Variants in TBX1 observed in about 807,000 individuals in gnomAD.
The protein encoded by TBX1 is T-box transcription factor 1, also known as T-box transcription factor TBX1.
In TBX1, 16 loss-of-function variants were observed where a neutral mutation model predicts 40.8. That is an observed-to-expected ratio of 0.39 (90% CI 0.27 to 0.60). The LOEUF is 0.60. Among genes scored for constraint, TBX1 ranks in the 20% least tolerant of loss-of-function variants. The pLI, the probability that TBX1 is intolerant of heterozygous loss-of-function variation, is 0.51. For synonymous variants in TBX1, 403 were observed against 336.8 expected (o/e 1.20, Z -2.15); for missense variants, 755 against 728.5 (o/e 1.04, Z -0.42).
chr22:19,764,929 T>C, intron 3 of TBX1, 29 bp from the exon 4 acceptor site: 2 of 1,613,676 alleles, frequency 1.2e-6, no homozygotes, highest in Non-Finnish European at 1.7e-6. Flanking sequence ...GCCCCACCGC[T>C]GGAGCTGATT....
In TBX1 at chr22:19,767,027, G is replaced by A. The variant is rs1936885520; in HGVS notation, c.*160G>A. Reference sequence around the variant, plus strand: ...GCCTCGAAGCCATGGGGGCCCCCTCGCCACCCCCAGCCCCTTGGGCTATCG... The same window carrying A: ...GCCTCGAAGCCATGGGGGCCCCCTCACCACCCCCAGCCCCTTGGGCTATCG... On this transcript the variant is annotated 3_prime_UTR_variant, in exon 7 of 7. Transcript: ENST00000649276. The A allele has an allele frequency of 3.7e-6, 5 of 1,350,328 alleles. No homozygotes were observed. Among genetic ancestry groups the A allele is most frequent in the Non-Finnish European group, 4.7e-6 (5 of 1,054,392 alleles). The allele number at this position is 1,350,328 out of a possible 1,614,324, so 83.6% of individuals were successfully genotyped here. A position where few individuals can be genotyped will look rare whatever the true frequency, so the allele number is the denominator to read the frequency against.
intron 8 of TBX1, among the ~76,000 whole-genome samples, chr22:19,776,460 C>T (rs1937066779): frequency 6.6e-6 from 1 of 152,144 alleles, no homozygotes; most frequent in Non-Finnish European, 1.5e-5. Context: ...CAGCTAACAC[C>T]CAGGGGCCTG....
intron 8 of TBX1, chr22:19,779,119 G>T: frequency 1.4e-6 from 2 of 1,382,762 alleles, no homozygotes; most frequent in Non-Finnish European, 2.0e-6. Flanking sequence ...CCTTCCATGC[G>T]GTTCAGACAC....
upstream of TBX1, among the ~76,000 whole-genome samples, chr22:19,759,178 C>T (rs1463074207): frequency 6.6e-6 from 1 of 152,236 alleles, no homozygotes; most frequent in African/African-American, 2.4e-5. Context: ...CAGAGAAAGG[C>T]CGTGCCTTGG....
downstream of TBX1, chr22:19,782,767 C>T: frequency 2.1e-6 from 3 of 1,432,416 alleles, no homozygotes; most frequent in Non-Finnish European, 2.9e-6. Context: ...AGCTCCTTCC[C>T]TGTTTCTGGG....
At position 19,761,027 on chromosome 22, in the gene TBX1, T is replaced by G; in HGVS notation, c.184T>G (p.Cys62Gly). 1.1e-6 allele frequency: 1 copy of G among 879,254 alleles called. No individual in the cohort carries two copies. The highest frequency in any genetic ancestry group is 5.1e-5 in the South Asian group (1 of 19,554). 54.5% of individuals were successfully genotyped at this position (879,254 alleles called of 1,614,324 possible). The change falls in exon 1 of 7, where the codon TGC becomes GGC. Residue 62 changes from cysteine to glycine, a missense_variant. Cys to Gly is a radical substitution (Grantham distance 159, BLOSUM62 -3). Coordinates refer to ENST00000649276, the MANE Select transcript of TBX1 (RefSeq NM_001379200.1). ...PPPPPPRYDP[C>G]AAAAPGAPGP... ...GCCGCCGCCGCCGCGCTACGACCCG[T>G]GCGCCGCCGCCGCCCCCGGCGCCCC... is the stretch of plus-strand genomic sequence containing the variant.
At chr22:19,763,702 G>A (rs888015642) in intron 2 of TBX1, 2 of 405,184 alleles carry the variant, frequency 4.9e-6, no homozygotes, top group African/African-American at 2.0e-5. Flanking sequence ...AGGGAACTCT[G>A]GATCCTGGAG....
downstream of TBX1, chr22:19,783,188 C>A: frequency 1.5e-6 from 1 of 657,722 alleles, no homozygotes; most frequent in East Asian, 2.8e-5. Context: ...TCCCGACCCA[C>A]GGAGCCCACG....
rs1359119941 is a variant in TBX1 at position 19,760,940 on chromosome 22, G to T, written c.97G>T (p.Ala33Ser). The change falls in exon 1 of 7, where the codon GCG becomes TCG. Residue 33 changes from alanine to serine, a missense_variant. Ala to Ser is a moderately conservative substitution (Grantham distance 99). This residue lies in a region of TBX1 where 199 missense variants were observed against 173.0 expected (regional missense o/e 1.15). Transcript: ENST00000649276. ...CAGCAGCCTGAGCAGCCTGGGGGCC[G>T]CGGGGGGCTTCCCGGGCGCCGCGTC... ...TASSLSSLGA[A>S]GGFPGAASPG... The T allele has an allele frequency of 9.9e-6, 10 of 1,012,490 alleles. No homozygotes were observed. The highest frequency in any genetic ancestry group is 1.2e-5 in the Non-Finnish European group (10 of 844,932). 62.7% of individuals were successfully genotyped at this position (1,012,490 alleles called of 1,614,324 possible).
chr22:19,766,733 C>G lies in TBX1; in HGVS notation c.1381C>G (p.Pro461Ala). The change falls in exon 7 of 7, where the codon CCG becomes GCG. Residue 461 changes from proline (P) to alanine (A), a missense_variant. Around this residue, in one of 3 missense-constraint regions of TBX1, gnomAD observed 412 missense variants for 317.6 expected, o/e 1.30. Coordinates refer to ENST00000649276, the MANE Select transcript of TBX1 (RefSeq NM_001379200.1). ...CCACGGCTACCACCCGCACGCGCAT[C>G]CGCACCACCACCACCACCCCGTGAG... ...RGHGYHPHAH[P>A]HHHHHPVSPA... is the part of the protein sequence containing the mutation. The G allele has an allele frequency of 1.3e-6, 2 of 1,543,128 alleles. No individual in the cohort carries two copies. Among genetic ancestry groups the G allele is most frequent in the Non-Finnish European group, 8.7e-7 (1 of 1,154,448 alleles).
chr22:19,759,581 C>A, upstream of TBX1: 1 of 1,600,774 alleles, frequency 6.2e-7, no homozygotes, highest in East Asian at 2.3e-5. Context: ...GCGCACCGCC[C>A]ACCAGGGCTC....
At position 19,766,403 on chromosome 22, in the gene TBX1, C is replaced by G; in HGVS notation, c.1051C>G (p.Arg351Gly). 7.5e-7 allele frequency: 1 copy of G among 1,342,100 alleles called. No individual in the cohort carries two copies. The highest frequency in any genetic ancestry group is 9.6e-7 in the Non-Finnish European group (1 of 1,046,032). The allele number at this position is 1,342,100 out of a possible 1,614,324, so 83.1% of individuals were successfully genotyped here. Residue 351 changes from arginine to glycine, a missense_variant, in exon 7 of 7, where the codon CGG becomes GGG. This residue lies in a region of TBX1 where 412 missense variants were observed against 317.6 expected (regional missense o/e 1.30). Transcript: ENST00000649276. ...SGTEKDAAEA[R>G]REFQRDAGGP... ...CCTCTCCGCAGACGCGGCTGAGGCC[C>G]GGCGAGAATTCCAGCGCGACGCGGG...
At chr22:19,776,464 G>T (rs1034346073) in intron 8 of TBX1, among the ~76,000 whole-genome samples, 1 of 152,174 alleles carries the variant, frequency 6.6e-6, no homozygotes, top group Admixed American at 6.5e-5. Context: ...TAACACCCAG[G>T]GGCCTGCACG....
chr22:19,762,674 T>C (rs1344687330), intron 1 of TBX1, among the ~76,000 whole-genome samples: 2 of 152,014 alleles, frequency 1.3e-5, no homozygotes, highest in African/African-American at 4.8e-5. Context: ...GGGGAGACTC[T>C]TATCATGGGG....
intron 8 of TBX1, among the ~76,000 whole-genome samples, chr22:19,773,101 G>C (rs567189618): frequency 1.3e-5 from 2 of 152,344 alleles, no homozygotes; most frequent in South Asian, 2.1e-4. Context: ...TTACGAGCAC[G>C]GGCGTTGAGC....
At chr22:19,763,555 G>T (rs898895974) in intron 2 of TBX1, 7 of 590,610 alleles carry the variant, frequency 1.2e-5, no homozygotes, top group Non-Finnish European at 2.1e-5. Context: ...CTCTGGAGCC[G>T]CAGGCTGCAG....
At chr22:19,764,454 C>T (rs538156968) in intron 3 of TBX1, 128 bp downstream of exon 3, 39 of 1,215,040 alleles carry the variant, frequency 3.2e-5, no homozygotes, top group Admixed American at 3.6e-5. Context: ...GGGCTGTCCC[C>T]GAGGAGGCCC....
chr22:19,783,480 T>G (rs1937161828), downstream of TBX1: 2 of 264,356 alleles, frequency 7.6e-6, no homozygotes, highest in East Asian at 9.8e-5. Flanking sequence ...AGCCTATTAG[T>G]TGGAGGCTGC....
chr22:19,767,362 C>G (rs539170244), downstream of TBX1: 2 of 987,044 alleles, frequency 2.0e-6, no homozygotes, highest in South Asian at 4.7e-5. Context: ...TTATTTGTGC[C>G]CAGTTAGATC....
Sources: allele counts gnomAD v4.1 joint callset (sites outside exome capture counted in the v4.1 genomes callset), GRCh38; gene constraint gnomAD v4.1.1; regional missense constraint gnomAD v4.1.1; transcripts MANE v1.5; gene names NCBI Gene and HGNC (gene_info 2026-07-23, HGNC 2026-07-21).